The following GRIK4 variants were observed in gnomAD, a reference collection of about 807,000 sequenced individuals.
GRIK4 encodes glutamate receptor ionotropic, kainate 4.
GRIK4 carries 40 observed loss-of-function variants against 104.9 expected under a neutral mutation model. The ratio of observed to expected loss-of-function variants is 0.38; its 90% CI spans 0.30 to 0.50. The LOEUF (loss-of-function observed/expected upper bound fraction) is 0.50, where lower values mean the gene tolerates loss of function less well. GRIK4 is among the 20% of genes least tolerant of loss of function. GRIK4 has a pLI of 0.93. For synonymous variants in GRIK4, 485 were observed against 524.9 expected, an observed-to-expected ratio of 0.92 and a Z score of 1.04; for missense variants, 1,047 against 1,308.1, an observed-to-expected ratio of 0.80 and a Z score of 3.08.
intron 18 of GRIK4, among the ~76,000 whole-genome samples, chr11:120,966,524 A>G (rs1300085841): frequency 6.6e-6 from 1 of 152,130 alleles, no homozygotes; most frequent in African/African-American, 2.4e-5. Flanking sequence ...GGTGCGCACC[A>G]TCACACCCAG....
chr11:120,631,266 A>C (rs969120028), intron 1 of GRIK4, among the ~76,000 whole-genome samples: 2 of 152,216 alleles, frequency 1.3e-5, no homozygotes, highest in Non-Finnish European at 2.9e-5. Context: ...GGGATTCCCA[A>C]GTGCTTCTCA....
chr11:120,860,552 A>T (rs1027936831), intron 8 of GRIK4, among the ~76,000 whole-genome samples: 8 of 152,178 alleles, frequency 5.3e-5, no homozygotes, highest in African/African-American at 1.9e-4. Flanking sequence ...CTAAAGTAGC[A>T]GTCCCTCACC....
chr11:120,670,979 G>T (rs567758832), intron 3 of GRIK4, among the ~76,000 whole-genome samples: 2 of 152,174 alleles, frequency 1.3e-5, no homozygotes, highest in East Asian at 3.9e-4. Context: ...TCCTGTGTTA[G>T]TTTGCTGAGA....
chr11:120,776,988 G>C (rs531656940), intron 3 of GRIK4, among the ~76,000 whole-genome samples: 6 of 152,276 alleles, frequency 3.9e-5, no homozygotes, highest in South Asian at 2.1e-4. Flanking sequence ...AGCTACGAGG[G>C]GGGTGTGAGT....
chr11:120,518,021 C>T lies in GRIK4; in HGVS notation c.-159+6134C>T, dbSNP rs117238462. Among the ~76,000 whole-genome samples, 1,383 of 152,268 alleles carry T rather than the reference C, an allele frequency of 9.1e-3. 14 individuals are homozygous for T. Among genetic ancestry groups the T allele is most frequent in the Non-Finnish European group, 0.013 (883 of 68,014 alleles). ...GGGCACATCTGGAGGCAGGGGAAGCCGGTATTGGCCGGTTTCTGCTCTCCC... is the reference window on the plus strand; with the variant it reads ...GGGCACATCTGGAGGCAGGGGAAGCTGGTATTGGCCGGTTTCTGCTCTCCC... On this transcript the variant is annotated intron_variant, in intron 1 of 20. Transcript: ENST00000527524.
intron 9 of GRIK4, chr11:120,872,111 G>T (rs1403619804): frequency 2.3e-5 from 8 of 350,278 alleles, no homozygotes; most frequent in Non-Finnish European, 3.4e-5. Context: ...TGGACCTGAG[G>T]GGGCACAGCC....
intron 8 of GRIK4, among the ~76,000 whole-genome samples, chr11:120,838,905 G>A (rs892253537): frequency 4.6e-5 from 7 of 151,868 alleles, no homozygotes; most frequent in African/African-American, 7.3e-5. Flanking sequence ...TCCTGCCTCC[G>A]CCTCCCAAGT....
intron 3 of GRIK4, among the ~76,000 whole-genome samples, chr11:120,751,683 G>A (rs1951555809): frequency 6.6e-6 from 1 of 152,186 alleles, no homozygotes; most frequent in Non-Finnish European, 1.5e-5. Context: ...TTCCCACCAG[G>A]AAACGATTCT....
intron 1 of GRIK4, among the ~76,000 whole-genome samples, chr11:120,539,365 A>T (rs772459176): frequency 7.9e-5 from 12 of 152,350 alleles, no homozygotes; most frequent in East Asian, 5.8e-4. Context: ...ACTACAAATG[A>T]TAACGATCCC....
rs570500238 is a variant in GRIK4 at position 120,555,979 on chromosome 11, G to A, written c.-159+44092G>A. Among the ~76,000 whole-genome samples, 5 of 152,186 alleles carry A rather than the reference G, an allele frequency of 3.3e-5. No individual in the cohort carries two copies. Among genetic ancestry groups the A allele is most frequent in the Non-Finnish European group, 5.9e-5 (4 of 68,020 alleles). Reference sequence around the variant, plus strand: ...GGTTTACTTACATGTTAGACTGTCGGCTACTTGAAACCAGTTCTTCTCATG... The same window carrying A: ...GGTTTACTTACATGTTAGACTGTCGACTACTTGAAACCAGTTCTTCTCATG... On this transcript the variant is annotated intron_variant, in intron 1 of 20. Coordinates refer to ENST00000527524, the MANE Select transcript of GRIK4 (RefSeq NM_014619.5). The surrounding 1 kb of genome is among the most constrained non-coding windows in gnomAD (Gnocchi z 5.3).
intron 8 of GRIK4, among the ~76,000 whole-genome samples, chr11:120,847,804 C>G (rs559550034): frequency 1.2e-4 from 19 of 152,302 alleles, no homozygotes; most frequent in African/African-American, 4.6e-4. Context: ...TTGGTGGTGG[C>G]TTGTCACAAA....
chr11:120,955,307 A>C (rs1185456077), intron 15 of GRIK4, among the ~76,000 whole-genome samples: 3 of 152,210 alleles, frequency 2.0e-5, no homozygotes, highest in Admixed American at 6.5e-5. Context: ...CACATCTCAC[A>C]GGTCAAAGGA....
At chr11:120,635,956 T>A (rs913744700) in intron 1 of GRIK4, among the ~76,000 whole-genome samples, 4 of 152,218 alleles carry the variant, frequency 2.6e-5, no homozygotes, top group African/African-American at 9.6e-5. Context: ...CCCCAAGGCA[T>A]CCGCTATCCT....
intron 1 of GRIK4, among the ~76,000 whole-genome samples, chr11:120,637,649 C>A (rs191387985): frequency 3.2e-4 from 48 of 152,162 alleles, no homozygotes; most frequent in Non-Finnish European, 6.5e-4. Context: ...AGATTCATAC[C>A]CAGAATAATT....
Position 120,898,527 on chromosome 11 carries a change from C to A in GRIK4, c.1165-5C>A. On this transcript the variant is annotated splice_polypyrimidine_tract_variant and splice_region_variant and intron_variant, in intron 11 of 20. Coordinates refer to ENST00000527524, the MANE Select transcript of GRIK4 (RefSeq NM_014619.5). ...CTTCCCAGTCCTCTCCGTTGGTCTC[C>A]TCAGATCGGCCAGTGGCACGTGGCA... The A allele has an allele frequency of 6.4e-7, 1 of 1,562,662 alleles. No individual in the cohort carries two copies. Among genetic ancestry groups the A allele is most frequent in the East Asian group, 2.2e-5 (1 of 44,642 alleles).
intron 1 of GRIK4, among the ~76,000 whole-genome samples, chr11:120,608,162 G>A (rs1948985290): frequency 1.3e-5 from 2 of 152,202 alleles, no homozygotes; most frequent in South Asian, 4.1e-4. Context: ...AGGTGTGTAA[G>A]GTCAGAGATA....
At chr11:120,620,473 C>T (rs1416818272) in intron 1 of GRIK4, among the ~76,000 whole-genome samples, 2 of 152,126 alleles carry the variant, frequency 1.3e-5, no homozygotes, top group African/African-American at 4.8e-5. Flanking sequence ...CAGCTGCCTC[C>T]CTGTCCTCAG....
At chr11:120,536,844 G>A (rs1470217634) in intron 1 of GRIK4, among the ~76,000 whole-genome samples, 1 of 152,188 alleles carries the variant, frequency 6.6e-6, no homozygotes, top group African/African-American at 2.4e-5. Context: ...AGTCAATTAC[G>A]TAAACAGAGC....
chr11:120,644,202 C>G (rs1332503342), intron 1 of GRIK4, among the ~76,000 whole-genome samples: 1 of 152,084 alleles, frequency 6.6e-6, no homozygotes, highest in Admixed American at 6.6e-5. Context: ...TCTTATGCCT[C>G]GCACACATTA....
Sources: allele counts gnomAD v4.1 joint callset (sites outside exome capture counted in the v4.1 genomes callset), GRCh38; gene constraint gnomAD v4.1.1; non-coding constraint Gnocchi (gnomAD v3.1); transcripts MANE v1.5; gene names NCBI Gene and HGNC (gene_info 2026-07-23, HGNC 2026-07-21).